Variants in PDE3B observed in about 807,000 individuals in gnomAD.
PDE3B encodes phosphodiesterase 3B.
In PDE3B, 66 loss-of-function variants were observed where a neutral mutation model predicts 116.8. The ratio of observed to expected loss-of-function variants is 0.56; its 90% CI spans 0.46 to 0.69. The LOEUF (loss-of-function observed/expected upper bound fraction) is 0.69, where lower values mean the gene tolerates loss of function less well. PDE3B is among the 30% of genes least tolerant of loss of function. The pLI is 0.00. For missense variants in PDE3B, 1,384 were observed against 1,368.1 expected (o/e 1.01, Z -0.18); for synonymous variants, 595 against 533.6 (o/e 1.12, Z -1.59).
chr11:14,714,440 T>C (rs939704851), intron 1 of PDE3B, among the ~76,000 whole-genome samples: 2 of 151,092 alleles, frequency 1.3e-5, no homozygotes, highest in South Asian at 2.1e-4. Flanking sequence ...CTCAGGGTAT[T>C]GAGGCAGGAG....
At chr11:14,840,112 C>T (rs1424441800) in intron 11 of PDE3B, among the ~76,000 whole-genome samples, 6 of 152,090 alleles carry the variant, frequency 3.9e-5, no homozygotes, top group Non-Finnish European at 8.8e-5. Flanking sequence ...AATTTCTACT[C>T]GTTGTGCAAA....
At chr11:14,766,256 C>T (rs1397385382) in intron 1 of PDE3B, among the ~76,000 whole-genome samples, 3 of 151,562 alleles carry the variant, frequency 2.0e-5, no homozygotes, top group Non-Finnish European at 4.4e-5. Context: ...TTTCTCATCT[C>T]TATTTCTCTT....
At chr11:14,832,894 C>A in intron 10 of PDE3B, 61 bp downstream of exon 10, 1 of 729,506 alleles carries the variant, frequency 1.4e-6, no homozygotes, top group South Asian at 1.7e-5. Context: ...AACTCTTTAT[C>A]ATCTTTCTCT....
At chr11:14,762,615 T>A (rs1857392622) in intron 1 of PDE3B, among the ~76,000 whole-genome samples, 1 of 152,096 alleles carries the variant, frequency 6.6e-6, no homozygotes, top group Non-Finnish European at 1.5e-5. Flanking sequence ...GACTTAAGCT[T>A]TAAGAGGGTT....
intron 2 of PDE3B, chr11:14,774,061 A>G (rs1337130620): frequency 6.6e-6 from 1 of 152,212 alleles, no homozygotes; most frequent in Non-Finnish European, 1.5e-5. Context: ...GTTATGAATC[A>G]GCAGAAAATT....
the PDE3B span, chr11:14,880,178 G>T: frequency 6.2e-7 from 1 of 1,612,844 alleles, no homozygotes; most frequent in South Asian, 1.1e-5. Flanking sequence ...ATCGCCCACC[G>T]TAGCACATTG....
chr11:14,813,734 C>G (rs1035547065), intron 5 of PDE3B, among the ~76,000 whole-genome samples: 1 of 152,114 alleles, frequency 6.6e-6, no homozygotes, highest in African/African-American at 2.4e-5. Flanking sequence ...ACAACTCTTT[C>G]ACTGAAAAGG....
intron 1 of PDE3B, among the ~76,000 whole-genome samples, chr11:14,731,509 CAG>C (rs1856458940): frequency 6.6e-6 from 1 of 152,022 alleles, no homozygotes; most frequent in Admixed American, 6.6e-5. Context: ...CTGCCCACTT[CAG>C]CCTCCCAAAG....
At chr11:14,785,189 AT>A (rs1230202306) in intron 2 of PDE3B, among the ~76,000 whole-genome samples, 1 of 152,134 alleles carries the variant, frequency 6.6e-6, no homozygotes, top group Non-Finnish European at 1.5e-5. Context: ...TAACATGTTA[AT>A]TTGCATTCAG....
At chr11:14,894,383 C>G in the PDE3B span, among the ~76,000 whole-genome samples, 1 of 152,098 alleles carries the variant, frequency 6.6e-6, no homozygotes, top group African/African-American at 2.4e-5. Context: ...CTATGGGATG[C>G]CTGAGATCAA....
At chr11:14,701,703 A>G (rs1329913116) in intron 1 of PDE3B, among the ~76,000 whole-genome samples, 1 of 151,510 alleles carries the variant, frequency 6.6e-6, no homozygotes, top group East Asian at 1.9e-4. Flanking sequence ...TTCTCTTGCT[A>G]TAGTTATGTC....
intron 1 of PDE3B, among the ~76,000 whole-genome samples, chr11:14,654,817 C>T (rs1853663418): frequency 6.6e-6 from 1 of 151,544 alleles, no homozygotes; most frequent in Middle Eastern, 3.2e-3. Context: ...CACACACACA[C>T]ACACACACAC....
At chr11:14,782,074 T>C (rs1565134518) in intron 2 of PDE3B, among the ~76,000 whole-genome samples, 1 of 152,166 alleles carries the variant, frequency 6.6e-6, no homozygotes, top group East Asian at 1.9e-4. Flanking sequence ...TCAAAGAGAA[T>C]AAAATACCTA....
intron 1 of PDE3B, among the ~76,000 whole-genome samples, chr11:14,718,569 A>G (rs1271805487): frequency 1.3e-5 from 2 of 149,830 alleles, no homozygotes; most frequent in Non-Finnish European, 3.0e-5. Flanking sequence ...ATAGCAAACT[A>G]TCTCTCAGAC....
Position 14,818,317 on chromosome 11 carries a change from A to C in PDE3B, c.1657A>C (p.Arg553=), listed in dbSNP as rs1354633496. Residue 553 remains arginine (R), a synonymous_variant, in exon 6 of 16, where the codon AGA becomes CGA. Transcript: ENST00000282096. ...FLNKPSVILQ[R]SLGNAPNTPD... ...TAATAAGCCAAGCGTTATCTTGCAG[A>C]GATCTCTGGGCAATGCACCTAATAC... is the stretch of plus-strand genomic sequence containing the variant. 2 of 1,613,632 alleles carry C rather than the reference A, an allele frequency of 1.2e-6. No homozygotes were observed. Among genetic ancestry groups the C allele is most frequent in the African/African-American group, 2.7e-5 (2 of 74,932 alleles).
At chr11:14,659,554 A>G (rs1315629191) in intron 1 of PDE3B, among the ~76,000 whole-genome samples, 2 of 152,190 alleles carry the variant, frequency 1.3e-5, no homozygotes, top group Non-Finnish European at 2.9e-5. Context: ...GCAGGTTTGT[A>G]AAGGTAAACT....
chr11:14,860,513 T>G (rs1469417961), intron 13 of PDE3B, among the ~76,000 whole-genome samples: 1 of 152,172 alleles, frequency 6.6e-6, no homozygotes, highest in East Asian at 1.9e-4. Flanking sequence ...AGCTAATAAT[T>G]ATCATTTATT....
chr11:14,655,084 T>G (rs991086717), intron 1 of PDE3B, among the ~76,000 whole-genome samples: 1 of 152,138 alleles, frequency 6.6e-6, no homozygotes, highest in African/African-American at 2.4e-5. Flanking sequence ...ATATAAAGAT[T>G]GTCCACTTGG....
intron 1 of PDE3B, among the ~76,000 whole-genome samples, chr11:14,706,240 A>G (rs1855531530): frequency 1.3e-5 from 2 of 151,818 alleles, no homozygotes; most frequent in South Asian, 4.1e-4. Context: ...CTAGATTCAG[A>G]TTAGTATAAT....
Sources: gnomAD v4.1 joint callset for allele counts (sites outside exome capture counted in the v4.1 genomes callset) on GRCh38, gnomAD v4.1.1 for gene constraint, MANE v1.5 for transcripts, NCBI Gene and HGNC (gene_info 2026-07-23, HGNC 2026-07-21) for gene names.